Variants in SYNPR observed in about 807,000 individuals in gnomAD.
The protein encoded by SYNPR is synaptoporin.
SYNPR carries 23 observed loss-of-function variants against 32.9 expected under a neutral mutation model. The ratio of observed to expected loss-of-function variants is 0.70; its 90% CI spans 0.50 to 0.99. SYNPR has a LOEUF of 0.99. SYNPR is among the 50% of genes least tolerant of loss of function. SYNPR has a pLI of 0.00. For synonymous variants in SYNPR, 146 were observed against 135.9 expected (o/e 1.07, Z -0.52); for missense variants, 318 against 349.3 (o/e 0.91, Z 0.71).
intron 2 of SYNPR, among the ~76,000 whole-genome samples, chr3:63,391,290 G>C (rs543673086): frequency 6.6e-6 from 1 of 152,290 alleles, no homozygotes; most frequent in Admixed American, 6.5e-5. Context: ...TTGCACCAAT[G>C]TGTCTCTGTG....
chr3:63,388,314 T>C (rs980892827), intron 2 of SYNPR, among the ~76,000 whole-genome samples: 2 of 150,774 alleles, frequency 1.3e-5, no homozygotes, highest in Non-Finnish European at 3.0e-5. Flanking sequence ...CAGCATCCCC[T>C]ATCCTGTGAA....
chr3:63,506,211 G>A (rs1701585049), intron 3 of SYNPR, among the ~76,000 whole-genome samples: 1 of 151,506 alleles, frequency 6.6e-6, no homozygotes, highest in Non-Finnish European at 1.5e-5. Flanking sequence ...GAGCAAATTT[G>A]CAATATGAAC....
exon 1 of SYNPR, chr3:63,228,349 T>A (rs551840602): frequency 1.3e-5 from 2 of 152,312 alleles, no homozygotes; most frequent in South Asian, 4.1e-4. Context: ...AGGAAGCTAG[T>A]CTAAATGATC....
intron 2 of SYNPR, among the ~76,000 whole-genome samples, chr3:63,464,798 A>G (rs1468844134): frequency 6.6e-6 from 1 of 152,158 alleles, no homozygotes; most frequent in Non-Finnish European, 1.5e-5. Flanking sequence ...AACAAATAGG[A>G]TGTCTCTGAC....
At chr3:63,389,810 C>G (rs1433864153) in intron 2 of SYNPR, among the ~76,000 whole-genome samples, 1 of 146,110 alleles carries the variant, frequency 6.8e-6, no homozygotes, top group Non-Finnish European at 1.5e-5. Flanking sequence ...TTTCTATTCT[C>G]TTTCTTTCAC....
intron 2 of SYNPR, among the ~76,000 whole-genome samples, chr3:63,266,499 T>C (rs2106905253): frequency 6.6e-6 from 1 of 151,984 alleles, no homozygotes; most frequent in Admixed American, 6.6e-5. Flanking sequence ...GGTCAGGAGT[T>C]CGAGACCAGC....
intron 4 of SYNPR, among the ~76,000 whole-genome samples, chr3:63,564,432 C>A (rs183558103): frequency 1.3e-5 from 2 of 151,482 alleles, no homozygotes; most frequent in Non-Finnish European, 2.9e-5. Flanking sequence ...CCTGACCTTG[C>A]GATCCACCTG....
At chr3:63,505,004 T>G (rs1575680405) in intron 3 of SYNPR, among the ~76,000 whole-genome samples, 1 of 152,062 alleles carries the variant, frequency 6.6e-6, no homozygotes, top group East Asian at 1.9e-4. Context: ...ATCAAGAGTG[T>G]GTCTGTGAGT....
intron 2 of SYNPR, among the ~76,000 whole-genome samples, chr3:63,436,657 A>T (rs1279910241): frequency 6.6e-6 from 1 of 152,110 alleles, no homozygotes; most frequent in Non-Finnish European, 1.5e-5. Flanking sequence ...ATGGACATCC[A>T]GGAATCCATG....
intron 2 of SYNPR, among the ~76,000 whole-genome samples, chr3:63,304,161 G>C (rs1019711276): frequency 6.6e-6 from 1 of 151,874 alleles, no homozygotes; most frequent in Admixed American, 6.6e-5. Context: ...GCAACAGCTG[G>C]GTTAATTTTA....
intron 2 of SYNPR, among the ~76,000 whole-genome samples, chr3:63,265,522 G>T (rs2086478357): frequency 6.6e-6 from 1 of 152,140 alleles, no homozygotes; most frequent in South Asian, 2.1e-4. Context: ...AAAATGTTGG[G>T]ATTACAGGCG....
At chr3:63,483,673 C>T (rs929159740) in intron 3 of SYNPR, among the ~76,000 whole-genome samples, 1 of 152,076 alleles carries the variant, frequency 6.6e-6, no homozygotes, top group African/African-American at 2.4e-5. Context: ...TGATAAGACA[C>T]AGCTTCTGGA....
rs192832604 is a variant in SYNPR, at chr3:63,463,401, A to T, written c.85-17431A>T. ...ATATCCAAGAAAAGTGGAAGGTGTG[A>T]AATCAGAAACCTAAGTGGACAGTAG... On this transcript the variant is annotated intron_variant, in intron 2 of 5. Transcript: ENST00000478300. 3.9e-5 allele frequency among the ~76,000 whole-genome samples: 6 copies of T among 152,272 alleles called. No individual in the cohort carries two copies. The East Asian group carries it at 1.2e-3, about 29-fold the overall frequency.
At chr3:63,253,790 C>A (rs991694444) in intron 2 of SYNPR, among the ~76,000 whole-genome samples, 1 of 152,102 alleles carries the variant, frequency 6.6e-6, no homozygotes, top group Non-Finnish European at 1.5e-5. Context: ...CTAGAAATAC[C>A]ATTTGACCCA....
chr3:63,442,929 C>A, intron 2 of SYNPR: 1 of 558,916 alleles, frequency 1.8e-6, no homozygotes, highest in Non-Finnish European at 2.3e-6. Context: ...TTTATAAAAC[C>A]ACCATTTTTC....
chr3:63,526,869 A>G (rs75075346), intron 3 of SYNPR, among the ~76,000 whole-genome samples: 14,760 of 152,256 alleles, frequency 0.097, 981 homozygotes, highest in Middle Eastern at 0.22. Context: ...CTTACTGAGC[A>G]TTAGCTGTGT....
chr3:63,611,352 C>T lies in SYNPR; in HGVS notation c.600+2036C>T, dbSNP rs1193682661. 3.9e-5 allele frequency among the ~76,000 whole-genome samples: 6 copies of T among 152,276 alleles called. No homozygotes were observed. The East Asian group carries it at 5.8e-4, about 15-fold the overall frequency. On this transcript the variant is annotated intron_variant, in intron 5 of 5. Coordinates refer to ENST00000478300, the MANE Select transcript of SYNPR (RefSeq NM_001130003.2). ...AAATGCAAAGTTCCAGGAGAGAGCTCAAGCCATTTGACCGAAACTTGGCTC... is the reference window on the plus strand; with the variant it reads ...AAATGCAAAGTTCCAGGAGAGAGCTTAAGCCATTTGACCGAAACTTGGCTC...
At chr3:63,302,102 T>C (rs1291537686) in intron 2 of SYNPR, among the ~76,000 whole-genome samples, 2 of 152,112 alleles carry the variant, frequency 1.3e-5, no homozygotes, top group Non-Finnish European at 2.9e-5. Flanking sequence ...CGTTTCATCA[T>C]TTTCTACCCA....
chr3:63,288,653 C>G (rs2106927458), intron 2 of SYNPR, among the ~76,000 whole-genome samples: 1 of 152,312 alleles, frequency 6.6e-6, no homozygotes, highest in South Asian at 2.1e-4. Flanking sequence ...TGTATTCCCT[C>G]AAACCCACAT....
Sources: gnomAD v4.1 joint callset for allele counts (sites outside exome capture counted in the v4.1 genomes callset) on GRCh38, gnomAD v4.1.1 for gene constraint, MANE v1.5 for transcripts, NCBI Gene and HGNC (gene_info 2026-07-23, HGNC 2026-07-21) for gene names.